DYM: variants seen among roughly 807,000 people sequenced by gnomAD.
DYM encodes dyggve-Melchior-Clausen syndrome protein.
In DYM, 78 loss-of-function variants were observed where a neutral mutation model predicts 93.1. The observed-to-expected ratio is 0.84, with a 90% CI of 0.70 to 1.01. The LOEUF is 1.01. DYM is among the 50% of genes least tolerant of loss of function. The pLI, the probability that DYM is intolerant of heterozygous loss-of-function variation, is 0.00. For missense variants in DYM, 789 were observed against 845.0 expected (o/e 0.93, Z 0.82); for synonymous variants, 321 against 319.7 (o/e 1.00, Z -0.04).
intron 2 of DYM, among the ~76,000 whole-genome samples, chr18:49,426,064 G>A (rs1179706993): frequency 6.6e-6 from 1 of 152,124 alleles, no homozygotes; most frequent in African/African-American, 2.4e-5. Context: ...CCACAGGACC[G>A]TAAAGCATGC....
chr18:49,269,687 G>A (rs1407158410), intron 11 of DYM, among the ~76,000 whole-genome samples: 2 of 152,198 alleles, frequency 1.3e-5, no homozygotes, highest in Admixed American at 6.5e-5. Flanking sequence ...CTATCACCTA[G>A]ATGTTGTAGC....
At position 49,258,022 on chromosome 18, in the gene DYM, T is replaced by A. The variant is rs1347743618; in HGVS notation, c.1365+358A>T. Among the ~76,000 whole-genome samples, 3 of 152,212 alleles carry A rather than the reference T, an allele frequency of 2.0e-5. No homozygotes were observed. In the East Asian group the frequency reaches 5.8e-4, roughly 29 times the overall value. ...TTTAAAATATTCTCTCTTCTACCTT[T>A]CTTTTTCATTTTAATTCATATTTTC... is the stretch of plus-strand genomic sequence containing the variant. On this transcript the variant is annotated intron_variant, in intron 12 of 17. Transcript: ENST00000675505.
intron 16 of DYM, among the ~76,000 whole-genome samples, chr18:49,104,004 G>A (rs1328352944): frequency 1.3e-5 from 2 of 152,132 alleles, no homozygotes; most frequent in Non-Finnish European, 2.9e-5. Context: ...ACCTTGGGCA[G>A]TATGGCCATT....
In DYM at chr18:49,215,035, A is replaced by G. The variant is rs941771830; in HGVS notation, c.1461-5320T>C. Reference sequence around the variant, plus strand: ...ATCTTTAAGGGAAAAAGAACTCTCTAGTTTGACAAATAGCCTCATTCCACA... The same window carrying G: ...ATCTTTAAGGGAAAAAGAACTCTCTGGTTTGACAAATAGCCTCATTCCACA... On this transcript the variant is annotated intron_variant, in intron 13 of 17. Transcript: ENST00000675505. Among the ~76,000 whole-genome samples the G allele has an allele frequency of 2.6e-5, 4 of 152,360 alleles. No individual in the cohort carries two copies. In the East Asian group the frequency reaches 5.8e-4, roughly 22 times the overall value.
chr18:49,254,281 CATATATAT>C (rs3084549), intron 13 of DYM, among the ~76,000 whole-genome samples: 75 of 136,570 alleles, frequency 5.5e-4, no homozygotes, highest in African/African-American at 1.3e-3. Context: ...ATCCTTGTAT[CATATATAT>C]ATATATATAT....
intron 10 of DYM, among the ~76,000 whole-genome samples, chr18:49,273,014 CA>C (rs71165380): frequency 1.5e-4 from 22 of 146,534 alleles, no homozygotes; most frequent in South Asian, 6.4e-4. Flanking sequence ...AGAAAACAGG[CA>C]AAAAAAAAAA....
At chr18:49,232,808 C>CAGTAGTAG (rs2093744500) in intron 13 of DYM, among the ~76,000 whole-genome samples, 2 of 151,568 alleles carry the variant, frequency 1.3e-5, no homozygotes, top group Non-Finnish European at 2.9e-5. Context: ...CGGGTTTCAC[C>CAGTAGTAG]ACGTTGGCTA....
At chr18:49,208,016 C>T (rs150702145) in intron 14 of DYM, among the ~76,000 whole-genome samples, 4 of 151,882 alleles carry the variant, frequency 2.6e-5, no homozygotes, top group African/African-American at 9.7e-5. Context: ...AACACTGTCT[C>T]TTCTAAAAAT....
At position 49,286,633 on chromosome 18, in the gene DYM, CCT is replaced by C. The variant is rs2059684599; in HGVS notation, c.764-19_764-18del. ...AGAGTCCTGCTGGGGAGGAAAACAC[CCT>C]GTTAGGATGTGCTGCCACCAATGAG... On this transcript the variant is annotated intron_variant, in intron 8 of 17. Coordinates refer to ENST00000675505, the MANE Select transcript of DYM (RefSeq NM_001353214.3). 1 of 1,612,450 alleles carries C rather than the reference CCT, an allele frequency of 6.2e-7. No homozygotes were observed. The highest frequency in any genetic ancestry group is 8.5e-7 in the Non-Finnish European group (1 of 1,179,420).
intron 16 of DYM, among the ~76,000 whole-genome samples, chr18:49,112,131 C>CCTCCTCTCCGCACCCCT (rs2081471394): frequency 1.3e-5 from 2 of 151,430 alleles, no homozygotes; most frequent in Non-Finnish European, 3.0e-5. Flanking sequence ...TCCGCACCCC[C>CCTCCTCTCCGCACCCCT]CTCCCCTCCG....
intron 2 of DYM, among the ~76,000 whole-genome samples, chr18:49,416,645 T>C (rs1217590520): frequency 2.0e-5 from 3 of 152,206 alleles, no homozygotes; most frequent in African/African-American, 7.2e-5. Flanking sequence ...TCCTACACAG[T>C]AATAGAAATT....
intron 1 of DYM, among the ~76,000 whole-genome samples, chr18:49,441,358 A>C (rs1423337410): frequency 5.8e-5 from 6 of 103,804 alleles, no homozygotes; most frequent in Non-Finnish European, 1.1e-4. Context: ...ATATATAATT[A>C]TATTATATAT....
At chr18:49,367,793 G>A (rs1348966243) in intron 5 of DYM, among the ~76,000 whole-genome samples, 1 of 152,024 alleles carries the variant, frequency 6.6e-6, no homozygotes, top group Non-Finnish European at 1.5e-5. Context: ...AAACTTAATC[G>A]AACAGGGCTG....
intron 17 of DYM, among the ~76,000 whole-genome samples, chr18:49,051,521 C>T (rs556739073): frequency 3.9e-4 from 60 of 152,316 alleles, no homozygotes; most frequent in Non-Finnish European, 5.6e-4. Context: ...GCAGGGTTCA[C>T]TTGAAGAAAG....
intron 16 of DYM, 109 bp from the exon 17 acceptor site, chr18:49,097,624 A>G: frequency 3.9e-6 from 4 of 1,021,422 alleles, no homozygotes; most frequent in Non-Finnish European, 5.9e-6. Context: ...TCCTACAGTG[A>G]CCCGGCTTTT....
Position 49,257,112 on chromosome 18 carries a change from G to C in DYM, c.1366-8C>G, listed in dbSNP as rs374291628. 79 of 1,603,782 alleles carry C rather than the reference G, an allele frequency of 4.9e-5. No homozygotes were observed. Among genetic ancestry groups the C allele is most frequent in the Non-Finnish European group, 6.6e-5 (77 of 1,170,772 alleles). ...TGTGTGAAGGTACTTGTCCTGTGAG[G>C]AAACAGCGGGTGTAAAACATACAAT... On this transcript the variant is annotated splice_polypyrimidine_tract_variant and splice_region_variant and intron_variant, in intron 12 of 17. Coordinates refer to ENST00000675505, the MANE Select transcript of DYM (RefSeq NM_001353214.3).
intron 8 of DYM, among the ~76,000 whole-genome samples, chr18:49,301,969 G>C (rs926546287): frequency 1.3e-5 from 2 of 152,140 alleles, no homozygotes; most frequent in Admixed American, 1.3e-4. Context: ...GGTTCAGTGT[G>C]CATAATCCTA....
intron 7 of DYM, among the ~76,000 whole-genome samples, chr18:49,333,514 T>C (rs967890438): frequency 6.6e-6 from 1 of 152,100 alleles, no homozygotes; most frequent in African/African-American, 2.4e-5. Flanking sequence ...CTGGAGAAGG[T>C]AATGAAGCTA....
chr18:49,200,853 T>C (rs997556742), intron 14 of DYM, among the ~76,000 whole-genome samples: 1 of 152,152 alleles, frequency 6.6e-6, no homozygotes, highest in East Asian at 1.9e-4. Context: ...CATACTTCTT[T>C]GTGGTAAGAA....
Sources: gnomAD v4.1 joint callset for allele counts (sites outside exome capture counted in the v4.1 genomes callset) on GRCh38, gnomAD v4.1.1 for gene constraint, MANE v1.5 for transcripts, NCBI Gene and HGNC (gene_info 2026-07-23, HGNC 2026-07-21) for gene names.